TRPM8: variants seen among roughly 807,000 people sequenced by gnomAD.
The protein encoded by TRPM8 is TRPM8 cationic channel.
A neutral mutation model predicts 133.7 loss-of-function variants in TRPM8; 110 were observed. The observed-to-expected ratio is 0.82, with a 90% CI of 0.70 to 0.96. The LOEUF is 0.96. Ranked by LOEUF, TRPM8 falls within the 40% of genes least tolerant of loss-of-function variation. TRPM8 has a pLI of 0.00. For missense variants in TRPM8, 1,291 were observed against 1,379.5 expected (o/e 0.94, Z 1.02); for synonymous variants, 535 against 532.3 (o/e 1.01, Z -0.07).
intron 3 of TRPM8, among the ~76,000 whole-genome samples, chr2:233,931,287 C>T (rs998696455): frequency 3.9e-5 from 6 of 152,164 alleles, no homozygotes; most frequent in East Asian, 1.9e-4. Context: ...GTGAATGGGT[C>T]GACTAGTGCT....
chr2:233,950,441 G>GGA (rs1033804078), intron 9 of TRPM8, among the ~76,000 whole-genome samples: 1 of 152,228 alleles, frequency 6.6e-6, no homozygotes, highest in African/African-American at 2.4e-5. Flanking sequence ...TTCAAGTCCA[G>GGA]GAGAGAGAGA....
At chr2:233,923,524 A>G (rs753858682) in intron 1 of TRPM8, among the ~76,000 whole-genome samples, 8 of 152,102 alleles carry the variant, frequency 5.3e-5, no homozygotes, top group African/African-American at 4.8e-5. Context: ...TGCCTGCCCA[A>G]TGCTGCCGGC....
At chr2:233,939,653 T>G (rs1690855380) in intron 5 of TRPM8, among the ~76,000 whole-genome samples, 2 of 152,242 alleles carry the variant, frequency 1.3e-5, no homozygotes, top group Admixed American at 6.5e-5. Flanking sequence ...CATTTTCTTT[T>G]CAACTTTATA....
intron 11 of TRPM8, among the ~76,000 whole-genome samples, chr2:233,956,327 GT>G (rs577200188): frequency 6.6e-6 from 1 of 151,734 alleles, no homozygotes; most frequent in Non-Finnish European, 1.5e-5. Context: ...AATAAAAAGT[GT>G]TTTTTTTCTT....
At chr2:234,011,341 C>T (rs1005400246) in intron 24 of TRPM8, among the ~76,000 whole-genome samples, 20 of 151,888 alleles carry the variant, frequency 1.3e-4, no homozygotes, top group Non-Finnish European at 2.1e-4. Flanking sequence ...ATGTCAGTAC[C>T]GTACTGTTTT....
intron 22 of TRPM8, among the ~76,000 whole-genome samples, chr2:234,004,608 G>C (rs1195985629): frequency 1.3e-5 from 2 of 152,102 alleles, no homozygotes; most frequent in Non-Finnish European, 2.9e-5. Context: ...ACTTTTTTTG[G>C]TGACATCTTC....
At chr2:233,949,605 CTT>C (rs1691126152) in intron 8 of TRPM8, among the ~76,000 whole-genome samples, 1 of 152,144 alleles carries the variant, frequency 6.6e-6, no homozygotes, top group Non-Finnish European at 1.5e-5. Context: ...TGAATACAGT[CTT>C]AATACATGTC....
At chr2:233,990,066 G>A (rs1692235946) in intron 21 of TRPM8, among the ~76,000 whole-genome samples, 1 of 152,226 alleles carries the variant, frequency 6.6e-6, no homozygotes, top group African/African-American at 2.4e-5. Flanking sequence ...AGGTTTGAGT[G>A]CTGTGTGAAC....
chr2:233,997,086 G>A (rs1234907576), intron 22 of TRPM8, among the ~76,000 whole-genome samples: 1 of 152,112 alleles, frequency 6.6e-6, no homozygotes, highest in Non-Finnish European at 1.5e-5. Context: ...GCAACACGGT[G>A]AAACCCCATC....
intron 1 of TRPM8, among the ~76,000 whole-genome samples, chr2:233,925,075 AGGGT>A: frequency 6.6e-6 from 1 of 152,148 alleles, no homozygotes; most frequent in East Asian, 1.9e-4. Flanking sequence ...CCCTGGGCTG[AGGGT>A]CTGAGAGCAG....
At chr2:233,938,857 A>T in intron 4 of TRPM8, 141 bp from the exon 5 acceptor site, 1 of 860,454 alleles carries the variant, frequency 1.2e-6, no homozygotes, top group Non-Finnish European at 1.7e-6. Flanking sequence ...TGGGACCCCC[A>T]ATGCCGCGAT....
intron 21 of TRPM8, among the ~76,000 whole-genome samples, chr2:233,991,239 T>A (rs1196912144): frequency 6.6e-6 from 1 of 152,208 alleles, no homozygotes; most frequent in East Asian, 1.9e-4. Flanking sequence ...ATGTCATGGG[T>A]CTTCGTGCAA....
chr2:233,926,709 G>A (rs564206477), intron 2 of TRPM8, 55 bp downstream of exon 2: 257 of 1,343,338 alleles, frequency 1.9e-4, no homozygotes, highest in Non-Finnish European at 2.6e-4. Context: ...TTCGTAAGCC[G>A]TCAAATCCTG....
At chr2:233,993,385 A>T (rs28902222) in intron 21 of TRPM8, among the ~76,000 whole-genome samples, 1 of 152,170 alleles carries the variant, frequency 6.6e-6, no homozygotes, top group African/African-American at 2.4e-5. Flanking sequence ...AATGATACAA[A>T]CACAAAGCCT....
In TRPM8 at chr2:233,964,618, C is replaced by A; in HGVS notation, c.1750-10C>A. 2 of 1,541,582 alleles carry A rather than the reference C, an allele frequency of 1.3e-6. No homozygotes were observed. The highest frequency in any genetic ancestry group is 1.7e-6 in the Non-Finnish European group (2 of 1,144,018). ...GAATTAACCTTAAAATTCTTCACCC[C>A]CCTAAAAAGACCAGGGGCTGCACTC... is the stretch of plus-strand genomic sequence containing the variant. On this transcript the variant is annotated splice_polypyrimidine_tract_variant and intron_variant, in intron 13 of 25. Transcript: ENST00000324695.
intron 17 of TRPM8, among the ~76,000 whole-genome samples, chr2:233,977,840 C>T (rs1691907419): frequency 6.6e-6 from 1 of 152,124 alleles, no homozygotes; most frequent in Non-Finnish European, 1.5e-5. Context: ...TATATTTTAG[C>T]TATATGGCAA....
chr2:233,964,738 G>A lies in TRPM8; in HGVS notation c.1860G>A (p.Glu620=), dbSNP rs1456577403. 1.9e-6 allele frequency: 3 copies of A among 1,612,578 alleles called. No individual in the cohort carries two copies. The Admixed American group carries it at 5.0e-5, about 27-fold the overall frequency. ...GGGAGTCCGAGGAGCTGGCTAATGA[G>A]TACGAGACCCGGGCTGTTGGTGAGT... ...AAGESEELAN[E]YETRAVELFT... is the part of the protein sequence containing the mutation. Residue 620 remains glutamate, a synonymous_variant, in exon 14 of 26, where the codon GAG becomes GAA. Coordinates refer to ENST00000324695, the MANE Select transcript of TRPM8 (RefSeq NM_024080.5).
At chr2:233,937,588 C>A in intron 4 of TRPM8, 79 bp downstream of exon 4, 1 of 1,494,396 alleles carries the variant, frequency 6.7e-7, no homozygotes. Flanking sequence ...TTGGAATTGT[C>A]TAATAGGATG....
chr2:233,975,579 A>G (rs1383064774), intron 17 of TRPM8, among the ~76,000 whole-genome samples: 1 of 152,180 alleles, frequency 6.6e-6, no homozygotes, highest in Non-Finnish European at 1.5e-5. Context: ...TGACTCCTTT[A>G]GGCATCTAAA....
Sources: allele counts gnomAD v4.1 joint callset (sites outside exome capture counted in the v4.1 genomes callset), GRCh38; gene constraint gnomAD v4.1.1; transcripts MANE v1.5; gene names NCBI Gene and HGNC (gene_info 2026-07-23, HGNC 2026-07-21).